The following FN1 variants were observed in gnomAD, a reference collection of about 807,000 sequenced individuals.
FN1 encodes the protein fibronectin 1.
In FN1, 106 loss-of-function variants were observed where a neutral mutation model predicts 297.3. That is an observed-to-expected ratio of 0.36 (90% CI 0.30 to 0.42). FN1 has a LOEUF of 0.42. FN1 is among the 10% of genes least tolerant of loss of function. FN1 has a pLI of 1.00. For missense variants in FN1, 2,690 were observed against 3,124.9 expected (o/e 0.86, Z 3.32); for synonymous variants, 1,149 against 1,152.6 (o/e 1.00, Z 0.06).
chr2:215,399,107 A>T, intron 21 of FN1, 150 bp downstream of exon 21: 1 of 697,842 alleles, frequency 1.4e-6, no homozygotes, highest in African/African-American at 1.7e-5. Context: ...AAGGACTGTT[A>T]GGCCCTGACA....
In FN1 at chr2:215,376,690, G is replaced by T. The variant is rs1337625415; in HGVS notation, c.5711-16C>A. 1 of 1,612,458 alleles carries T rather than the reference G, an allele frequency of 6.2e-7. No homozygotes were observed. ...GGGCTGACATCTGCACAGGAGCATA[G>T]CTAGAGATTAGTGCCTGCTTGGCTC... On this transcript the variant is annotated splice_polypyrimidine_tract_variant and intron_variant, in intron 35 of 45. Transcript: ENST00000354785.
intron 13 of FN1, among the ~76,000 whole-genome samples, chr2:215,411,526 TG>T (rs1444790707): frequency 2.0e-5 from 3 of 152,196 alleles, no homozygotes; most frequent in African/African-American, 7.2e-5. Context: ...TGAGCTTGTT[TG>T]GTTAGTTATT....
chr2:215,391,374 A>G (rs758744384), intron 26 of FN1, among the ~76,000 whole-genome samples: 5 of 152,310 alleles, frequency 3.3e-5, no homozygotes, highest in Non-Finnish European at 7.3e-5. Flanking sequence ...TAGAAGCAGA[A>G]TTTGTTTGAA....
At chr2:215,412,114 T>C (rs1211971085) in intron 13 of FN1, among the ~76,000 whole-genome samples, 1 of 152,138 alleles carries the variant, frequency 6.6e-6, no homozygotes, top group African/African-American at 2.4e-5. Context: ...ATGCTGTTGA[T>C]TTCGATCACT....
chr2:215,386,632 A>T (rs2059051627), intron 28 of FN1, 57 bp downstream of exon 28: 1 of 1,492,730 alleles, frequency 6.7e-7, no homozygotes, highest in Non-Finnish European at 9.2e-7. Context: ...TACTTTACAG[A>T]ATCTACCAAC....
At chr2:215,418,040 G>A (rs2063685737) in intron 12 of FN1, among the ~76,000 whole-genome samples, 2 of 152,034 alleles carry the variant, frequency 1.3e-5, no homozygotes, top group African/African-American at 4.8e-5. Flanking sequence ...TATACTTATA[G>A]TACTTCCACA....
At position 215,382,323 on chromosome 2, in the gene FN1, G is replaced by C. The variant is rs1483895338; in HGVS notation, c.5053C>G (p.Gln1685Glu). Residue 1685 changes from glutamine (Q) to glutamate (E), a missense_variant and splice_region_variant, in exon 32 of 46, where the codon CAA (glutamine) becomes GAA (glutamate). Gln to Glu is a conservative substitution (Grantham distance 29). Transcript: ENST00000354785. ...AAGCCTTCAATAGTCATTTCTGTTT[G>C]ATCTGCAAAGGGAGTGAAAAGCAAA... ...PTKTKTAGPD[Q>E]TEMTIEGLQP... is the part of the protein sequence containing the mutation. 1 of 1,599,148 alleles carries C rather than the reference G, an allele frequency of 6.3e-7. No individual in the cohort carries two copies. The highest frequency in any genetic ancestry group is 1.7e-5 in the Admixed American group (1 of 59,978).
rs1165568753 is a variant in FN1, at chr2:215,393,021, C to T, written c.3979G>A (p.Gly1327Arg). The change falls in exon 25 of 46, where the codon GGG (glycine) becomes AGG (arginine). Residue 1327 changes from glycine (G) to arginine (R), a missense_variant. Coordinates refer to ENST00000354785, the MANE Select transcript of FN1 (RefSeq NM_212482.4). Reference protein sequence around the residue: ...DSSVGYYTVTGLEPGIDYDIS... With the variant: ...DSSVGYYTVTRLEPGIDYDIS... ...TCATAGTCAATGCCCGGCTCCAGCCCTGTGACTGTGTAGTATCCTACTGAG... is the reference window on the plus strand; with the variant it reads ...TCATAGTCAATGCCCGGCTCCAGCCTTGTGACTGTGTAGTATCCTACTGAG... The T allele has an allele frequency of 1.2e-6, 2 of 1,614,042 alleles. No individual in the cohort carries two copies. Among genetic ancestry groups the T allele is most frequent in the Non-Finnish European group, 1.7e-6 (2 of 1,180,026 alleles).
Position 215,419,195 on chromosome 2 carries a change from T to A in FN1, c.1819+47A>T, listed in dbSNP as rs1291720696. The stretch of plus-strand genomic sequence containing the variant: ...GCATTAATAATCACTGCCCTGTTGT[T>A]ATAACCCAATTGGCAGTTCTCAACT... On this transcript the variant is annotated intron_variant, in intron 12 of 45. Transcript: ENST00000354785. 2.5e-6 allele frequency: 4 copies of A among 1,587,834 alleles called. No homozygotes were observed. The African/African-American group carries it at 5.4e-5, about 21-fold the overall frequency.
intron 20 of FN1, 37 bp from the exon 21 acceptor site, chr2:215,399,388 A>G (rs764312881): frequency 1.4e-6 from 2 of 1,387,128 alleles, no homozygotes; most frequent in African/African-American, 2.8e-5. Context: ...TCAAAACTCA[A>G]ACTCACAGAT....
chr2:215,429,840 A>G (rs1340175873), intron 5 of FN1, among the ~76,000 whole-genome samples: 1 of 152,214 alleles, frequency 6.6e-6, no homozygotes, highest in Non-Finnish European at 1.5e-5. Flanking sequence ...ACTTTTCCCA[A>G]CTTGCTATTT....
At chr2:215,387,518 G>A (rs1008155703) in intron 27 of FN1, among the ~76,000 whole-genome samples, 3 of 152,116 alleles carry the variant, frequency 2.0e-5, no homozygotes, top group Non-Finnish European at 2.9e-5. Flanking sequence ...ATAATTCCTC[G>A]TGAATTGACA....
intron 34 of FN1, among the ~76,000 whole-genome samples, chr2:215,378,611 A>T (rs546596915): frequency 4.6e-5 from 7 of 152,242 alleles, no homozygotes; most frequent in Admixed American, 2.6e-4. Flanking sequence ...AGGCAAAGAG[A>T]ATGTTCCATT....
chr2:215,404,088 T>C (rs1274059916), intron 20 of FN1, among the ~76,000 whole-genome samples: 2 of 152,210 alleles, frequency 1.3e-5, no homozygotes, highest in African/African-American at 2.4e-5. Context: ...AGCTTGGCAA[T>C]GTGTGCAAAT....
Position 215,435,942 on chromosome 2 carries a change from G to A in FN1, c.-140C>T. On this transcript the variant is annotated 5_prime_UTR_variant, in exon 1 of 46. Transcript: ENST00000354785. ...CCAAGAAGGTGGGGGCCAGAGGGTG[G>A]GGAAGGGGACGGGTGGAGGGACAGA... is the stretch of plus-strand genomic sequence containing the variant. 1 of 1,440,618 alleles carries A rather than the reference G, an allele frequency of 6.9e-7. No individual in the cohort carries two copies. The highest frequency in any genetic ancestry group is 9.1e-7 in the Non-Finnish European group (1 of 1,098,676). The allele number at this position is 1,440,618 out of a possible 1,614,324, so 89.2% of individuals were successfully genotyped here.
chr2:215,386,586 TTTTTTTTTG>T, intron 28 of FN1, 94 bp downstream of exon 28: 3 of 586,654 alleles, frequency 5.1e-6, no homozygotes, highest in South Asian at 2.8e-5. Context: ...TTTTTTTTTT[TTTTTTTTTG>T]AGAGCTGATG....
At chr2:215,372,706 CT>C (rs1559348880) in intron 39 of FN1, among the ~76,000 whole-genome samples, 1 of 152,112 alleles carries the variant, frequency 6.6e-6, no homozygotes, top group Admixed American at 6.5e-5. Context: ...TTCTCTCTTT[CT>C]TTTTTAAATT....
In FN1 at chr2:215,404,515, T is replaced by C. The variant is rs1368644926; in HGVS notation, c.3127A>G (p.Asn1043Asp). Residue 1043 changes from asparagine (N) to aspartate (D), a missense_variant, in exon 20 of 46, where the codon AAT becomes GAT. Physicochemically the swap from Asn to Asp is conservative, Grantham distance 23. Transcript: ENST00000354785. ...TACTTGGAGACAGAGGGACCCACAT[T>C]GTACTGCCTGGGCTGTCCTCTTCGG... ...LTRRGQPRQY[N>D]VGPSVSKYPL... 2 of 1,614,094 alleles carry C rather than the reference T, an allele frequency of 1.2e-6. No homozygotes were observed. The highest frequency in any genetic ancestry group is 2.2e-5 in the East Asian group (1 of 44,878).
intron 3 of FN1, among the ~76,000 whole-genome samples, chr2:215,433,066 A>G (rs1356653906): frequency 2.6e-5 from 4 of 152,240 alleles, no homozygotes; most frequent in Non-Finnish European, 5.9e-5. Flanking sequence ...TGGTTCTACT[A>G]TGTACAGAAA....
Sources: gnomAD v4.1 joint callset for allele counts (sites outside exome capture counted in the v4.1 genomes callset) on GRCh38, gnomAD v4.1.1 for gene constraint, MANE v1.5 for transcripts, NCBI Gene and HGNC (gene_info 2026-07-23, HGNC 2026-07-21) for gene names.